PIKFYVE: variants seen among roughly 807,000 people sequenced by gnomAD.
PIKFYVE encodes 1-phosphatidylinositol 3-phosphate 5-kinase.
Under a neutral mutation model 257.9 loss-of-function variants are expected in PIKFYVE, and 122 were observed. That is an observed-to-expected ratio of 0.47 (90% CI 0.41 to 0.55). The LOEUF is 0.55. Among genes scored for constraint, PIKFYVE ranks in the 20% least tolerant of loss-of-function variants. PIKFYVE has a pLI of 0.00. For synonymous variants in PIKFYVE, 892 were observed against 868.9 expected (o/e 1.03, Z -0.47); for missense variants, 2,160 against 2,536.6 (o/e 0.85, Z 3.19).
At chr2:208,336,397 T>G (rs971930297) in intron 27 of PIKFYVE, among the ~76,000 whole-genome samples, 197 bp downstream of exon 27, 1 of 152,172 alleles carries the variant, frequency 6.6e-6, no homozygotes, top group Non-Finnish European at 1.5e-5. Flanking sequence ...TGTGAAGATG[T>G]AAAAACCAAA....
Position 208,352,637 on chromosome 2 carries a change from G to T in PIKFYVE, c.5716-17G>T. 2 of 1,611,578 alleles carry T rather than the reference G, an allele frequency of 1.2e-6. No homozygotes were observed. The highest frequency in any genetic ancestry group is 2.2e-5 in the South Asian group (2 of 90,686). On this transcript the variant is annotated splice_polypyrimidine_tract_variant and intron_variant, in intron 38 of 41. Transcript: ENST00000264380. ...ACCCTTTTTGATAAGAATTTATTTT[G>T]ACCTTCTCTTGATTAGAGGCCCACG... is the stretch of plus-strand genomic sequence containing the variant.
At chr2:208,299,511 A>G (rs989203433) in intron 8 of PIKFYVE, among the ~76,000 whole-genome samples, 2 of 151,948 alleles carry the variant, frequency 1.3e-5, no homozygotes, top group African/African-American at 4.8e-5. Flanking sequence ...GATGGTCTCA[A>G]TCTCCTGACC....
intron 8 of PIKFYVE, among the ~76,000 whole-genome samples, chr2:208,300,292 T>C (rs757676422): frequency 2.1e-4 from 32 of 152,052 alleles, no homozygotes; most frequent in Non-Finnish European, 4.4e-4. Flanking sequence ...TATTTAAAGG[T>C]GTGAAGAAAG....
chr2:208,347,090 C>T (rs762296191), intron 34 of PIKFYVE, among the ~76,000 whole-genome samples: 1 of 152,170 alleles, frequency 6.6e-6, no homozygotes, highest in African/African-American at 2.4e-5. Context: ...TTACACACCC[C>T]ACCCCGCTCC....
chr2:208,266,139 C>T (rs535722075), upstream of PIKFYVE: 20 of 152,488 alleles, frequency 1.3e-4, no homozygotes, highest in Admixed American at 9.8e-4. Flanking sequence ...GGGCTGGACT[C>T]CTTCTGCCTG....
intron 16 of PIKFYVE, among the ~76,000 whole-genome samples, chr2:208,318,532 C>T (rs2125504019): frequency 6.6e-6 from 1 of 152,308 alleles, no homozygotes; most frequent in South Asian, 2.1e-4. Context: ...TCTTTTGATT[C>T]TCAGTGTAGT....
chr2:208,290,112 T>G (rs1692109021), intron 7 of PIKFYVE, among the ~76,000 whole-genome samples: 1 of 152,194 alleles, frequency 6.6e-6, no homozygotes, highest in African/African-American at 2.4e-5. Flanking sequence ...GTGGACCTAC[T>G]TTGACACATG....
rs1700302439 is a variant in PIKFYVE, at chr2:208,358,681, C to A, written c.*3376C>A. On this transcript the variant is annotated 3_prime_UTR_variant, in exon 42 of 42. Transcript: ENST00000264380. ...TGACATGTTATTTAAAAGATAACTGCCTTGAACTTTTGGAGACTTGTACTG... is the reference window on the plus strand; with the variant it reads ...TGACATGTTATTTAAAAGATAACTGACTTGAACTTTTGGAGACTTGTACTG... The A allele has an allele frequency of 6.6e-6, 1 of 152,494 alleles. No individual in the cohort carries two copies. The highest frequency in any genetic ancestry group is 2.4e-5 in the African/African-American group (1 of 41,398). 9.4% of individuals were successfully genotyped at this position (152,494 alleles called of 1,614,324 possible).
At chr2:208,284,044 A>G (rs1691203417) in intron 5 of PIKFYVE, among the ~76,000 whole-genome samples, 1 of 152,178 alleles carries the variant, frequency 6.6e-6, no homozygotes, top group African/African-American at 2.4e-5. Context: ...TAGTGGGAAA[A>G]TTTTAGGTGG....
At chr2:208,349,755 A>G (rs910227082) in intron 35 of PIKFYVE, among the ~76,000 whole-genome samples, 4 of 152,056 alleles carry the variant, frequency 2.6e-5, no homozygotes, top group African/African-American at 7.2e-5. Flanking sequence ...TTGCCACTGT[A>G]GGAATCATTC....
At chr2:208,325,239 A>T (rs1437837966) in intron 19 of PIKFYVE, 31 bp from the exon 20 acceptor site, 19 of 1,605,432 alleles carry the variant, frequency 1.2e-5, no homozygotes, top group Non-Finnish European at 1.5e-5. Flanking sequence ...CACCTCCACC[A>T]TCTTAACTTT....
Position 208,339,524 on chromosome 2 carries a change from C to A in PIKFYVE, c.4779C>A (p.Pro1593=). 1 of 1,614,076 alleles carries A rather than the reference C, an allele frequency of 6.2e-7. No individual in the cohort carries two copies. The highest frequency in any genetic ancestry group is 1.3e-5 in the African/African-American group (1 of 75,012). ...EVMSEQSVGG[P]PELDTASSSE... ...TGTCTGAACAGTCAGTGGGAGGGCCCCCTGAGCTAGATACAGCCAGCAGTT... is the reference window on the plus strand; with the variant it reads ...TGTCTGAACAGTCAGTGGGAGGGCCACCTGAGCTAGATACAGCCAGCAGTT... The change falls in exon 30 of 42, where the codon CCC becomes CCA. Residue 1593 remains proline, a synonymous_variant. Transcript: ENST00000264380.
intron 1 of PIKFYVE, among the ~76,000 whole-genome samples, chr2:208,267,529 CAG>C (rs1469159431): frequency 1.5e-4 from 13 of 84,992 alleles, no homozygotes; most frequent in African/African-American, 5.0e-4. Context: ...TTTTGAGAGA[CAG>C]AGTCTCGCTC....
intron 20 of PIKFYVE, among the ~76,000 whole-genome samples, chr2:208,327,327 C>G (rs752832110): frequency 6.6e-5 from 10 of 151,876 alleles, no homozygotes; most frequent in Non-Finnish European, 1.5e-4. Context: ...TACCTTTGAC[C>G]CAGGACTCCA....
intron 35 of PIKFYVE, 64 bp from the exon 36 acceptor site, chr2:208,349,960 A>C: frequency 6.3e-7 from 1 of 1,591,812 alleles, no homozygotes; most frequent in Non-Finnish European, 8.6e-7. Context: ...GGAAAAAGGA[A>C]AGGACAAAAT....
At chr2:208,272,767 T>G (rs1257311812) in intron 2 of PIKFYVE, among the ~76,000 whole-genome samples, 1 of 151,966 alleles carries the variant, frequency 6.6e-6, no homozygotes, top group Non-Finnish European at 1.5e-5. Flanking sequence ...TGAAAACCCT[T>G]TAGTACATTT....
chr2:208,301,576 C>A (rs756412546), intron 9 of PIKFYVE, among the ~76,000 whole-genome samples: 2 of 152,186 alleles, frequency 1.3e-5, no homozygotes, highest in Non-Finnish European at 2.9e-5. Context: ...AGCTACTCCT[C>A]CTCTCATGGG....
chr2:208,354,483 G>A, intron 40 of PIKFYVE, 88 bp from the exon 41 acceptor site: 1 of 1,189,920 alleles, frequency 8.4e-7, no homozygotes. Context: ...AACTGTCATA[G>A]AAGTAGTAGT....
At chr2:208,266,983 A>C (rs1242132894) in intron 1 of PIKFYVE, among the ~76,000 whole-genome samples, 1 of 152,248 alleles carries the variant, frequency 6.6e-6, no homozygotes, top group Non-Finnish European at 1.5e-5. Flanking sequence ...GTTCCCAACA[A>C]AAGGATGAGA....
Sources: gnomAD v4.1 joint callset for allele counts (sites outside exome capture counted in the v4.1 genomes callset) on GRCh38, gnomAD v4.1.1 for gene constraint, MANE v1.5 for transcripts, NCBI Gene and HGNC (gene_info 2026-07-23, HGNC 2026-07-21) for gene names.